The following ZNF257 variants were observed in gnomAD, a reference collection of about 807,000 sequenced individuals.
The protein encoded by ZNF257 is bone marrow zinc finger 4.
Under a neutral mutation model 11.9 loss-of-function variants are expected in ZNF257, and 12 were observed. That is an observed-to-expected ratio of 1.01 (90% CI 0.65 to 1.63). The LOEUF is 1.63. ZNF257 is among the 40% of genes most tolerant of loss of function. The pLI is 0.00. For missense variants in ZNF257, 580 were observed against 665.5 expected (o/e 0.87, Z 1.41); for synonymous variants, 183 against 222.7 (o/e 0.82, Z 1.59).
In ZNF257 at chr19:22,088,698, C is replaced by T; in HGVS notation, c.948C>T (p.Tyr316=). 6.2e-7 allele frequency: 1 copy of T among 1,613,498 alleles called. No homozygotes were observed. The highest frequency in any genetic ancestry group is 1.1e-5 in the South Asian group (1 of 91,050). The change falls in exon 4 of 4, where the codon TAC becomes TAT. Residue 316 remains tyrosine, a synonymous_variant. Coordinates refer to ENST00000594947, the MANE Select transcript of ZNF257 (RefSeq NM_033468.4). The part of the protein sequence containing the change: ...HKRIHTGEKP[Y]KCEECGKAFN... ...GAATTCATACTGGAGAGAAACCCTA[C>T]AAATGTGAAGAGTGTGGCAAAGCCT...
rs7258302 is a variant in ZNF257 at position 22,072,998 on chromosome 19, T to A, written c.130+63T>A. 2.9e-4 allele frequency: 394 copies of A among 1,381,134 alleles called. 2 individuals are homozygous for A. The Middle Eastern group carries it at 5.0e-3, about 18-fold the overall frequency. The allele number at this position is 1,381,134 out of a possible 1,614,324, so 85.6% of individuals were successfully genotyped here. A position where few individuals can be genotyped will look rare whatever the true frequency, so the allele number is the denominator to read the frequency against. On this transcript the variant is annotated intron_variant, in intron 2 of 3. Transcript: ENST00000594947. ...CAAAGGCTTTATTTTTTATTTATTTTTTTTTTTGTAGAATGTTTTTTGGTA... is the reference window on the plus strand; with the variant it reads ...CAAAGGCTTTATTTTTTATTTATTTATTTTTTTGTAGAATGTTTTTTGGTA...
chr19:22,064,780 G>C (rs920110853), intron 1 of ZNF257, among the ~76,000 whole-genome samples: 1 of 152,182 alleles, frequency 6.6e-6, no homozygotes, highest in African/African-American at 2.4e-5. Flanking sequence ...TTTCAGCCAG[G>C]CATGGTGGCT....
At chr19:22,060,330 G>A (rs925087741) in intron 1 of ZNF257, among the ~76,000 whole-genome samples, 6 of 151,826 alleles carry the variant, frequency 4.0e-5, no homozygotes, top group East Asian at 3.9e-4. Flanking sequence ...TTTAACTTTC[G>A]TATAATATCC....
At chr19:22,086,150 G>A (rs2022471899) in intron 3 of ZNF257, among the ~76,000 whole-genome samples, 1 of 151,816 alleles carries the variant, frequency 6.6e-6, no homozygotes. Flanking sequence ...CTTCCATTGT[G>A]TCTGTTTCAT....
intron 1 of ZNF257, among the ~76,000 whole-genome samples, chr19:22,068,826 C>A (rs1437296204): frequency 6.6e-6 from 1 of 152,168 alleles, no homozygotes; most frequent in Non-Finnish European, 1.5e-5. Context: ...TTTACCAGGG[C>A]AGTTCCATTT....
intron 3 of ZNF257, among the ~76,000 whole-genome samples, chr19:22,081,758 G>A (rs2022365064): frequency 6.6e-6 from 1 of 152,024 alleles, no homozygotes; most frequent in East Asian, 1.9e-4. Context: ...TTGACCTTCT[G>A]AGATCAAGTG....
chr19:22,065,144 A>T (rs1401056818), intron 1 of ZNF257, among the ~76,000 whole-genome samples: 4 of 151,988 alleles, frequency 2.6e-5, no homozygotes, highest in Non-Finnish European at 5.9e-5. Context: ...TAATATTGTT[A>T]TTTATACTTT....
At chr19:22,072,994 A>T (rs906927702) in intron 2 of ZNF257, 59 bp downstream of exon 2, 75 of 1,174,272 alleles carry the variant, frequency 6.4e-5, no homozygotes, top group East Asian at 9.3e-5. Context: ...TTTTTTATTT[A>T]TTTTTTTTTT....
At position 22,089,611 on chromosome 19, in the gene ZNF257, G is replaced by A. The variant is rs981912231; in HGVS notation, c.*169G>A. Reference sequence around the variant, plus strand: ...ACTAAGCATAAAATAATTCATGCTGGAGAGAAACTCTTGAAATGTGATGAA... The same window carrying A: ...ACTAAGCATAAAATAATTCATGCTGAAGAGAAACTCTTGAAATGTGATGAA... On this transcript the variant is annotated 3_prime_UTR_variant, in exon 4 of 4. Transcript: ENST00000594947. 1.4e-6 allele frequency: 2 copies of A among 1,434,544 alleles called. No individual in the cohort carries two copies. The highest frequency in any genetic ancestry group is 1.8e-6 in the Non-Finnish European group (2 of 1,094,768). The allele number at this position is 1,434,544 out of a possible 1,614,324, so 88.9% of individuals were successfully genotyped here. A position where few individuals can be genotyped will look rare whatever the true frequency, so the allele number is the denominator to read the frequency against.
chr19:22,089,708 A>G lies in ZNF257; in HGVS notation c.*266A>G. On this transcript the variant is annotated 3_prime_UTR_variant, in exon 4 of 4. Transcript: ENST00000594947. ...ACACATGTGGAAGATAAAGCCTACA[A>G]ATATGAAGAATGTGACAAGGCCTTT... 1 of 743,334 alleles carries G rather than the reference A, an allele frequency of 1.3e-6. No individual in the cohort carries two copies. The highest frequency in any genetic ancestry group is 4.0e-5 in the East Asian group (1 of 24,780). 46.0% of individuals were successfully genotyped at this position (743,334 alleles called of 1,614,324 possible).
chr19:22,065,449 C>G (rs575846007), intron 1 of ZNF257, among the ~76,000 whole-genome samples: 1 of 152,270 alleles, frequency 6.6e-6, no homozygotes, highest in African/African-American at 2.4e-5. Context: ...ATCCACCCAC[C>G]TCGGCCTTCC....
intron 3 of ZNF257, chr19:22,087,606 A>G (rs1599675487): frequency 8.2e-7 from 1 of 1,226,596 alleles, no homozygotes; most frequent in Non-Finnish European, 1.0e-6. Flanking sequence ...GTATGTGCCA[A>G]TATTTTTCTT....
rs559643303 is a variant in ZNF257, at chr19:22,088,469, G to A, written c.719G>A (p.Arg240Gln). 1.1e-5 allele frequency: 17 copies of A among 1,610,136 alleles called. No individual in the cohort carries two copies. The highest frequency in any genetic ancestry group is 5.5e-5 in the South Asian group (5 of 90,648). ...KCEECGKAFN[R>Q]SSHLTQHKVI... is the part of the protein sequence containing the mutation. ...GAAGAGTGTGGAAAAGCTTTTAACC[G>A]GTCTTCACACCTTACTCAACATAAG... is the stretch of plus-strand genomic sequence containing the variant. Residue 240 changes from arginine (R) to glutamine (Q), a missense_variant, in exon 4 of 4, where the codon CGG becomes CAG. Arg to Gln is a conservative substitution (Grantham distance 43). Transcript: ENST00000594947.
chr19:22,075,253 GGCAGGTTTTTGCAGTAGGGTCTGT>G (rs1308674743), intron 3 of ZNF257: 5 of 165,476 alleles, frequency 3.0e-5, no homozygotes, highest in African/African-American at 1.2e-4. Flanking sequence ...CAGACACTAG[GGCAGGTTTTTGCAGTAGGGTCTGT>G]ATATAATGTA....
chr19:22,085,918 G>T (rs1268446072), intron 3 of ZNF257, among the ~76,000 whole-genome samples: 1 of 151,990 alleles, frequency 6.6e-6, no homozygotes, highest in Non-Finnish European at 1.5e-5. Context: ...CAGCAATCTT[G>T]CCACTTTCAG....
chr19:22,069,147 T>C (rs781172872), intron 1 of ZNF257, among the ~76,000 whole-genome samples: 6 of 152,144 alleles, frequency 3.9e-5, no homozygotes, highest in Admixed American at 6.5e-5. Flanking sequence ...TTCCATCTCA[T>C]ATGGCCATTA....
intron 1 of ZNF257, among the ~76,000 whole-genome samples, chr19:22,067,763 G>A (rs1468575166): frequency 6.6e-6 from 1 of 152,034 alleles, no homozygotes; most frequent in African/African-American, 2.4e-5. Flanking sequence ...GAACCTGGGA[G>A]GCGAAGGTTG....
chr19:22,076,323 T>C (rs1422721698), intron 3 of ZNF257, among the ~76,000 whole-genome samples: 1 of 150,776 alleles, frequency 6.6e-6, no homozygotes, highest in Middle Eastern at 3.3e-3. Context: ...TACATATATA[T>C]TTTAGCAATG....
intron 2 of ZNF257, 59 bp from the exon 3 acceptor site, chr19:22,073,410 A>C: frequency 6.5e-7 from 1 of 1,533,908 alleles, no homozygotes; most frequent in East Asian, 2.3e-5. Context: ...TGAGCACATT[A>C]CTAAGTTGGT....
Sources: gnomAD v4.1 joint callset for allele counts (sites outside exome capture counted in the v4.1 genomes callset) on GRCh38, gnomAD v4.1.1 for gene constraint, MANE v1.5 for transcripts, NCBI Gene and HGNC (gene_info 2026-07-23, HGNC 2026-07-21) for gene names.